Variants in ALDH18A1 observed in about 807,000 individuals in gnomAD.
ALDH18A1 encodes aldehyde dehydrogenase 18 family member A1, also known as delta-1-pyrroline-5-carboxylate synthase.
ALDH18A1 carries 44 observed loss-of-function variants against 88.8 expected under a neutral mutation model. The observed-to-expected ratio is 0.50, with a 90% CI of 0.39 to 0.64. The LOEUF is 0.64. Ranked by LOEUF, ALDH18A1 falls within the 30% of genes least tolerant of loss-of-function variation. The pLI is 0.00. For missense variants in ALDH18A1, 782 were observed against 1,009.5 expected, an observed-to-expected ratio of 0.77 and a Z score of 3.05; for synonymous variants, 331 against 372.1, an observed-to-expected ratio of 0.89 and a Z score of 1.27.
chr10:95,639,916 GA>G (rs1283429399), intron 3 of ALDH18A1, among the ~76,000 whole-genome samples: 2 of 150,648 alleles, frequency 1.3e-5, no homozygotes. Flanking sequence ...TGTTTGGTAT[GA>G]AGGCTTTTTT....
chr10:95,643,293 T>A, intron 2 of ALDH18A1, 87 bp from the exon 3 acceptor site: 1 of 1,314,532 alleles, frequency 7.6e-7, no homozygotes, highest in Non-Finnish European at 1.1e-6. Flanking sequence ...TATTAACCAG[T>A]TTAGATACCA....
intron 3 of ALDH18A1, among the ~76,000 whole-genome samples, chr10:95,639,599 T>C (rs1316135099): frequency 6.6e-6 from 1 of 151,496 alleles, no homozygotes; most frequent in East Asian, 1.9e-4. Flanking sequence ...TTATATGTCT[T>C]TCTCTCTCCA....
chr10:95,640,304 T>G (rs1266023423), intron 3 of ALDH18A1, among the ~76,000 whole-genome samples: 1 of 152,020 alleles, frequency 6.6e-6, no homozygotes, highest in Non-Finnish European at 1.5e-5. Context: ...TATGAACTCA[T>G]GGATTTAAAC....
At position 95,606,868 on chromosome 10, in the gene ALDH18A1, T is replaced by C; in HGVS notation, c.2282A>G (p.Lys761Arg). The change falls in exon 18 of 18, where the codon AAG becomes AGG. Residue 761 changes from lysine (K) to arginine (R), a missense_variant. By Grantham distance (26) the Lys-to-Arg change is conservative. Transcript: ENST00000371224. ...GTGGTCCTTCCCTCGCAGCAGCCACTTAGTAGTAAGCAGTCCCTCAAGTCC... is the reference window on the plus strand; with the variant it reads ...GTGGTCCTTCCCTCGCAGCAGCCACCTAGTAGTAAGCAGTCCCTCAAGTCC... ...PVGLEGLLTT[K>R]WLLRGKDHVV... 1.2e-6 allele frequency: 2 copies of C among 1,614,190 alleles called. No homozygotes were observed. Among genetic ancestry groups the C allele is most frequent in the Non-Finnish European group, 1.7e-6 (2 of 1,180,014 alleles).
chr10:95,611,518 T>C (rs2097834436), intron 15 of ALDH18A1, 76 bp from the exon 16 acceptor site: 1 of 1,558,310 alleles, frequency 6.4e-7, no homozygotes, highest in African/African-American at 1.4e-5. Context: ...AACAGAAAGG[T>C]GAGCCTGTAA....
At chr10:95,654,728 T>C (rs1395005592) in intron 1 of ALDH18A1, among the ~76,000 whole-genome samples, 3 of 151,168 alleles carry the variant, frequency 2.0e-5, no homozygotes, top group Non-Finnish European at 2.9e-5. Flanking sequence ...AAAGTATTAA[T>C]TGATCTTTGT....
In ALDH18A1 at chr10:95,635,008, T is replaced by C. The variant is rs553583573; in HGVS notation, c.559-1359A>G. Among the ~76,000 whole-genome samples, 3 of 152,188 alleles carry C rather than the reference T, an allele frequency of 2.0e-5. No individual in the cohort carries two copies. The South Asian group carries it at 6.2e-4, about 32-fold the overall frequency. ...TGAGAAGAATATAGCAATAAAACAG[T>C]AGCCTTAATGGTATATAAAACACAG... On this transcript the variant is annotated intron_variant, in intron 5 of 17. Transcript: ENST00000371224.
chr10:95,628,735 C>T, intron 7 of ALDH18A1: 1 of 502,004 alleles, frequency 2.0e-6, no homozygotes, highest in East Asian at 3.8e-5. Context: ...AACATCAGAT[C>T]ATGGCCATAT....
chr10:95,609,862 G>A (rs915711193), intron 17 of ALDH18A1, among the ~76,000 whole-genome samples: 11 of 143,084 alleles, frequency 7.7e-5, no homozygotes, highest in African/African-American at 2.1e-4. Context: ...TCTGCCTCCC[G>A]GGTTCAAGCA....
At chr10:95,652,925 G>A (rs761638972) in intron 2 of ALDH18A1, among the ~76,000 whole-genome samples, 17 of 151,656 alleles carry the variant, frequency 1.1e-4, no homozygotes, top group Non-Finnish European at 1.9e-4. Context: ...GATGGCTCAC[G>A]CCTGTAATCC....
At chr10:95,623,486 C>T (rs1447032777) in intron 11 of ALDH18A1, among the ~76,000 whole-genome samples, 1 of 152,090 alleles carries the variant, frequency 6.6e-6, no homozygotes, top group Non-Finnish European at 1.5e-5. Flanking sequence ...CGGCTCACTG[C>T]AACCTCTGCC....
intron 13 of ALDH18A1, among the ~76,000 whole-genome samples, chr10:95,615,338 CAAAA>C (rs71913331): frequency 2.4e-5 from 3 of 123,442 alleles, no homozygotes; most frequent in East Asian, 2.8e-4. Flanking sequence ...GACCATGTCT[CAAAA>C]AAAAAAAAAA....
chr10:95,655,156 T>C (rs2097915999), intron 1 of ALDH18A1, among the ~76,000 whole-genome samples: 1 of 151,476 alleles, frequency 6.6e-6, no homozygotes, highest in African/African-American at 2.4e-5. Flanking sequence ...ATTATTATTA[T>C]ACTTTAAGTT....
chr10:95,634,634 G>A (rs372173987), intron 5 of ALDH18A1, among the ~76,000 whole-genome samples: 6 of 152,196 alleles, frequency 3.9e-5, no homozygotes, highest in Admixed American at 2.0e-4. Flanking sequence ...CAAGCTGAAA[G>A]GGGGGCAGAA....
chr10:95,606,730 T>G lies in ALDH18A1; in HGVS notation c.*32A>C, dbSNP rs779053250. 1 of 1,614,048 alleles carries G rather than the reference T, an allele frequency of 6.2e-7. No individual in the cohort carries two copies. Among genetic ancestry groups the G allele is most frequent in the South Asian group, 1.1e-5 (1 of 91,080 alleles). On this transcript the variant is annotated 3_prime_UTR_variant, in exon 18 of 18. Transcript: ENST00000371224. Reference sequence around the variant, plus strand: ...TAAGACAAGTTTAACGTGAAGACCTTTTGGAAAATTCCCGGGTTTTCCTGG... The same window carrying G: ...TAAGACAAGTTTAACGTGAAGACCTGTTGGAAAATTCCCGGGTTTTCCTGG...
intron 13 of ALDH18A1, among the ~76,000 whole-genome samples, chr10:95,615,530 C>G (rs1396975530): frequency 1.3e-5 from 2 of 152,054 alleles, no homozygotes; most frequent in Non-Finnish European, 2.9e-5. Flanking sequence ...TTCACAGGAT[C>G]TGTATACTTT....
At chr10:95,622,081 A>AT (rs971362570) in intron 11 of ALDH18A1, among the ~76,000 whole-genome samples, 58 of 152,164 alleles carry the variant, frequency 3.8e-4, no homozygotes, top group African/African-American at 1.3e-3. Flanking sequence ...CTATCTTTCT[A>AT]TTTTTTTTAT....
At chr10:95,644,715 AC>A (rs1243335104) in intron 2 of ALDH18A1, among the ~76,000 whole-genome samples, 3 of 152,240 alleles carry the variant, frequency 2.0e-5, no homozygotes, top group African/African-American at 7.2e-5. Context: ...GGACAATGTG[AC>A]CAAGTCTGGC....
chr10:95,616,786 C>A, intron 12 of ALDH18A1, 172 bp from the exon 13 acceptor site: 1 of 893,832 alleles, frequency 1.1e-6, no homozygotes, highest in South Asian at 1.5e-5. Flanking sequence ...GTTTTATCCC[C>A]TACTTTACAG....
Sources: gnomAD v4.1 joint callset for allele counts (sites outside exome capture counted in the v4.1 genomes callset) on GRCh38, gnomAD v4.1.1 for gene constraint, MANE v1.5 for transcripts, NCBI Gene and HGNC (gene_info 2026-07-23, HGNC 2026-07-21) for gene names.